ALPK2: variants seen among roughly 807,000 people sequenced by gnomAD.
The protein encoded by ALPK2 is alpha-protein kinase 2.
In ALPK2, 127 loss-of-function variants were observed where a neutral mutation model predicts 163.1. The ratio of observed to expected loss-of-function variants is 0.78; its 90% CI spans 0.67 to 0.90. ALPK2 has a LOEUF of 0.90. Among genes scored for constraint, ALPK2 ranks in the 40% least tolerant of loss-of-function variants. ALPK2 has a pLI of 0.00. For synonymous variants in ALPK2, 953 were observed against 959.1 expected, an observed-to-expected ratio of 0.99 and a Z score of 0.12; for missense variants, 2,360 against 2,589.6, an observed-to-expected ratio of 0.91 and a Z score of 1.92.
intron 11 of ALPK2, among the ~76,000 whole-genome samples, chr18:58,502,133 TCCACACACACAC>T (rs1411689195): frequency 2.4e-5 from 2 of 83,546 alleles, no homozygotes; most frequent in Non-Finnish European, 2.3e-5. Flanking sequence ...AAACCCCATC[TCCACACACACAC>T]ACACACACAC....
At chr18:58,607,283 G>C in intron 3 of ALPK2, 39 bp downstream of exon 3, 1 of 1,406,096 alleles carries the variant, frequency 7.1e-7, no homozygotes, top group Non-Finnish European at 9.9e-7. Context: ...CAGAATATAA[G>C]GATATTAGTA....
In ALPK2 at chr18:58,529,141, A is replaced by G; in HGVS notation, c.5451T>C (p.Ser1817=). The change falls in exon 6 of 13, where the codon TCT becomes TCC. Residue 1817 remains serine (S), a synonymous_variant. Transcript: ENST00000361673. ...TTGAATCTTTTGTCCAGCAGATAGT[A>G]GAATCTTCATGAATTTCTGCAAATT... ...SCQFAEIHED[S]TICWTKDSKS... is the part of the protein sequence containing the mutation. 5 of 1,614,166 alleles carry G rather than the reference A, an allele frequency of 3.1e-6. No homozygotes were observed. The highest frequency in any genetic ancestry group is 4.2e-6 in the Non-Finnish European group (5 of 1,179,986).
rs143895383 is a variant in ALPK2 at position 58,537,487 on chromosome 18, G to C, written c.2700C>G (p.His900Gln). Reference protein sequence around the residue: ...FTSTFTLNISHTASEGATGEN... With the variant: ...FTSTFTLNISQTASEGATGEN... ...CTCCTGTGGCACCTTCACTAGCTGT[G>C]TGTGAAATGTTCAAGGTGAAAGTAC... The change falls in exon 5 of 13, where the codon CAC becomes CAG. Residue 900 changes from histidine to glutamine, a missense_variant. Coordinates refer to ENST00000361673, the MANE Select transcript of ALPK2 (RefSeq NM_052947.4). 2 of 1,611,920 alleles carry C rather than the reference G, an allele frequency of 1.2e-6. No homozygotes were observed. Among genetic ancestry groups the C allele is most frequent in the African/African-American group, 2.7e-5 (2 of 74,862 alleles).
chr18:58,512,847 GGTGT>G (rs1207373560), intron 10 of ALPK2, among the ~76,000 whole-genome samples: 6 of 142,212 alleles, frequency 4.2e-5, no homozygotes, highest in African/African-American at 7.8e-5. Flanking sequence ...GTGTGTATGT[GGTGT>G]GTGTGTGGTG....
At position 58,611,810 on chromosome 18, in the gene ALPK2, C is replaced by T. The variant is rs191529509; in HGVS notation, c.-13G>A. ...CGGAGTCTTTCATCCTTTCATGCCG[C>T]ACCAAATCTGAAAAAAAAAAAAATC... is the stretch of plus-strand genomic sequence containing the variant. On this transcript the variant is annotated 5_prime_UTR_variant, in exon 2 of 13. Transcript: ENST00000361673. 5.6e-3 allele frequency: 8,378 copies of T among 1,500,486 alleles called. 45 individuals carry two copies. Among genetic ancestry groups the T allele is most frequent in the Non-Finnish European group, 6.6e-3 (7,291 of 1,106,338 alleles). The allele number at this position is 1,500,486 out of a possible 1,614,324, so 92.9% of individuals were successfully genotyped here.
Position 58,534,573 on chromosome 18 carries a change from C to T in ALPK2, c.5353+261G>A, listed in dbSNP as rs554711625. On this transcript the variant is annotated intron_variant, in intron 5 of 12. Coordinates refer to ENST00000361673, the MANE Select transcript of ALPK2 (RefSeq NM_052947.4). ...GCGGCCTTTATCAGTGGTTCTCAATCGTGGTTCTCCCGATAGATCACCTGG... is the reference window on the plus strand; with the variant it reads ...GCGGCCTTTATCAGTGGTTCTCAATTGTGGTTCTCCCGATAGATCACCTGG... 3.3e-5 allele frequency among the ~76,000 whole-genome samples: 5 copies of T among 152,330 alleles called. No homozygotes were observed. The East Asian group carries it at 9.6e-4, about 29-fold the overall frequency.
intron 4 of ALPK2, 112 bp from the exon 5 acceptor site, chr18:58,538,336 A>T: frequency 1.0e-6 from 1 of 1,002,760 alleles, no homozygotes; most frequent in East Asian, 2.4e-5. Flanking sequence ...ATGGACAAGA[A>T]TGATTGAAAT....
At chr18:58,514,469 A>G (rs2051510643) in intron 10 of ALPK2, among the ~76,000 whole-genome samples, 1 of 152,196 alleles carries the variant, frequency 6.6e-6, no homozygotes, top group Non-Finnish European at 1.5e-5. Context: ...GCCAGTAAAT[A>G]TTTAGGCAAA....
At chr18:58,556,488 C>T (rs116356926) in intron 4 of ALPK2, among the ~76,000 whole-genome samples, 2 of 152,044 alleles carry the variant, frequency 1.3e-5, no homozygotes, top group Admixed American at 6.6e-5. Flanking sequence ...ATGAGCCAGC[C>T]GCTGCAAAGT....
In ALPK2 at chr18:58,537,513, TG is replaced by T; in HGVS notation, c.2673del (p.Ser892ValfsTer5). ...TGTGAAATGTTCAAGGTGAAAGTAC[TG>T]GTAAAAAGAGGGGACATGACTGAGT... ...DGNSVMSPLF[T>X]STFTLNISHT... is the part of the protein sequence containing the mutation. On this transcript the variant is annotated frameshift_variant, in exon 5 of 13. Transcript: ENST00000361673. LOFTEE classifies it high-confidence loss of function. The T allele has an allele frequency of 6.2e-7, 1 of 1,612,988 alleles. No individual in the cohort carries two copies.
intron 11 of ALPK2, among the ~76,000 whole-genome samples, chr18:58,500,675 G>A (rs749568491): frequency 2.0e-4 from 31 of 151,952 alleles, no homozygotes; most frequent in South Asian, 4.2e-4. Context: ...CTGTAATCCC[G>A]GCACTTTGGG....
At chr18:58,595,848 G>T (rs542447560) in intron 3 of ALPK2, among the ~76,000 whole-genome samples, 1 of 152,158 alleles carries the variant, frequency 6.6e-6, no homozygotes, top group African/African-American at 2.4e-5. Context: ...TCTGGAGAGG[G>T]AGCTGGGATT....
chr18:58,499,656 C>T (rs1036378934), intron 11 of ALPK2, among the ~76,000 whole-genome samples: 3 of 152,244 alleles, frequency 2.0e-5, no homozygotes, highest in African/African-American at 4.8e-5. Context: ...TATCCCATGG[C>T]CCATAGTGCC....
chr18:58,620,781 A>G (rs1337352237), intron 1 of ALPK2, among the ~76,000 whole-genome samples: 1 of 152,256 alleles, frequency 6.6e-6, no homozygotes, highest in Non-Finnish European at 1.5e-5. Flanking sequence ...CAAAAGCTAA[A>G]TGTCCATCAA....
intron 4 of ALPK2, among the ~76,000 whole-genome samples, chr18:58,561,299 G>A (rs895528447): frequency 1.3e-5 from 2 of 152,158 alleles, no homozygotes; most frequent in Non-Finnish European, 2.9e-5. Context: ...ATGGTTATGC[G>A]AGGATGCTGA....
At chr18:58,503,543 T>G (rs892766718) in intron 11 of ALPK2, among the ~76,000 whole-genome samples, 1 of 152,138 alleles carries the variant, frequency 6.6e-6, no homozygotes, top group Non-Finnish European at 1.5e-5. Context: ...AAAAAATTTT[T>G]TTTTAATTAG....
chr18:58,546,709 G>A (rs928534153), intron 4 of ALPK2, among the ~76,000 whole-genome samples: 1 of 152,142 alleles, frequency 6.6e-6, no homozygotes, highest in Non-Finnish European at 1.5e-5. Flanking sequence ...GCAAACTCAT[G>A]TGAAATGGGT....
chr18:58,618,141 GT>G (rs976359391), intron 1 of ALPK2, among the ~76,000 whole-genome samples: 1 of 152,194 alleles, frequency 6.6e-6, no homozygotes, highest in Non-Finnish European at 1.5e-5. Flanking sequence ...CACCTCCCAG[GT>G]TCAAGTGACT....
intron 11 of ALPK2, among the ~76,000 whole-genome samples, chr18:58,498,938 G>A (rs1273243504): frequency 2.6e-5 from 4 of 152,188 alleles, no homozygotes. Context: ...GGCTCAAGGG[G>A]CATGTGTTTA....
Sources: allele counts gnomAD v4.1 joint callset (sites outside exome capture counted in the v4.1 genomes callset), GRCh38; gene constraint gnomAD v4.1.1; transcripts MANE v1.5; gene names NCBI Gene and HGNC (gene_info 2026-07-23, HGNC 2026-07-21).